Variants in LRRC4C observed in about 807,000 individuals in gnomAD.
LRRC4C encodes the protein leucine-rich repeat-containing protein 4C.
In LRRC4C, 5 loss-of-function variants were observed where a neutral mutation model predicts 33.6. The ratio of observed to expected loss-of-function variants is 0.15; its 90% CI spans 0.08 to 0.31. The LOEUF (loss-of-function observed/expected upper bound fraction) is 0.31, where lower values mean the gene tolerates loss of function less well. LRRC4C is among the 10% of genes least tolerant of loss of function. The probability of loss-of-function intolerance (pLI) is 1.00; values close to 1 mark genes in which losing one functional copy is unlikely to be tolerated. For missense variants in LRRC4C, 560 were observed against 796.7 expected, an observed-to-expected ratio of 0.70 and a Z score of 3.58; for synonymous variants, 329 against 302.0, an observed-to-expected ratio of 1.09 and a Z score of -0.93.
intron 2 of LRRC4C, among the ~76,000 whole-genome samples, chr11:40,878,413 T>A (rs931659831): frequency 6.6e-6 from 1 of 152,156 alleles, no homozygotes; most frequent in Non-Finnish European, 1.5e-5. Flanking sequence ...TCCCAAGCAC[T>A]AGCATCACCG....
At chr11:40,902,628 T>C (rs1478263237) in intron 2 of LRRC4C, among the ~76,000 whole-genome samples, 2 of 152,140 alleles carry the variant, frequency 1.3e-5, no homozygotes, top group Non-Finnish European at 2.9e-5. Flanking sequence ...GAAAAGTTTT[T>C]GAAGGGAATT....
intron 3 of LRRC4C, among the ~76,000 whole-genome samples, chr11:40,572,874 G>C (rs72886949): frequency 0.011 from 1,630 of 152,270 alleles, 24 homozygotes; most frequent in African/African-American, 0.026. Flanking sequence ...TGGTATTAAA[G>C]AAGTGAGATG....
At chr11:40,626,342 G>C (rs984872836) in intron 3 of LRRC4C, among the ~76,000 whole-genome samples, 2 of 151,606 alleles carry the variant, frequency 1.3e-5, no homozygotes, top group African/African-American at 4.8e-5. Flanking sequence ...CCTCTTTCCT[G>C]CTTTTTTTAA....
At chr11:41,109,101 G>A (rs1310268165) in intron 1 of LRRC4C, among the ~76,000 whole-genome samples, 1 of 151,940 alleles carries the variant, frequency 6.6e-6, no homozygotes, top group Non-Finnish European at 1.5e-5. Context: ...TGATCTAACT[G>A]ATATATTTCC....
intron 4 of LRRC4C, among the ~76,000 whole-genome samples, chr11:40,257,607 G>A (rs1484956398): frequency 6.6e-6 from 1 of 152,086 alleles, no homozygotes; most frequent in Non-Finnish European, 1.5e-5. Flanking sequence ...CCTGGTCATT[G>A]GTTTGGACAT....
intron 1 of LRRC4C, among the ~76,000 whole-genome samples, chr11:40,961,886 G>A (rs1333508096): frequency 6.6e-6 from 1 of 151,670 alleles, no homozygotes; most frequent in East Asian, 2.0e-4. Flanking sequence ...TTAGGGTAGG[G>A]GGTGTTAAAT....
At chr11:41,299,000 T>C (rs1212768051) in intron 1 of LRRC4C, among the ~76,000 whole-genome samples, 4 of 152,192 alleles carry the variant, frequency 2.6e-5, no homozygotes, top group Non-Finnish European at 5.9e-5. Flanking sequence ...AGTATTCCAT[T>C]ATGTATATAT....
At chr11:41,336,642 T>G (rs146755035) in intron 1 of LRRC4C, among the ~76,000 whole-genome samples, 1 of 152,174 alleles carries the variant, frequency 6.6e-6, no homozygotes, top group Admixed American at 6.5e-5. Context: ...AAGAGGCTTT[T>G]AATAGTGAAG....
At chr11:40,781,191 T>A (rs1375070986) in intron 2 of LRRC4C, among the ~76,000 whole-genome samples, 1 of 152,108 alleles carries the variant, frequency 6.6e-6, no homozygotes, top group Non-Finnish European at 1.5e-5. Context: ...TCTAAATGTA[T>A]CTAAACATAG....
In LRRC4C at chr11:41,306,530, C is replaced by T. The variant is rs554054440; in HGVS notation, c.-496+152901G>A. Among the ~76,000 whole-genome samples the T allele has an allele frequency of 2.0e-5, 3 of 152,350 alleles. No homozygotes were observed. In the South Asian group the frequency reaches 6.2e-4, roughly 32 times the overall value. On this transcript the variant is annotated intron_variant, in intron 1 of 6. Coordinates refer to ENST00000528697, the MANE Select transcript of LRRC4C (RefSeq NM_001258419.2). ...AGAAATACACACTGCGCATATACTA[C>T]ACACCATGTGCTATTCTAAGTGGAG...
chr11:40,839,865 C>T (rs190119780), intron 2 of LRRC4C, among the ~76,000 whole-genome samples: 2 of 152,138 alleles, frequency 1.3e-5, no homozygotes, highest in East Asian at 1.9e-4. Flanking sequence ...AAAATAATTT[C>T]AATCCAGAAT....
chr11:40,966,092 T>C (rs1383410978), intron 1 of LRRC4C, among the ~76,000 whole-genome samples: 3 of 151,524 alleles, frequency 2.0e-5, no homozygotes, highest in Admixed American at 6.6e-5. Context: ...CACATCCCTT[T>C]AAGGGCAGAT....
intron 1 of LRRC4C, among the ~76,000 whole-genome samples, chr11:41,321,231 A>G (rs1260915716): frequency 6.6e-6 from 1 of 152,220 alleles, no homozygotes; most frequent in Admixed American, 6.5e-5. Context: ...AACAGGGGGC[A>G]GAGATCATAT....
intron 2 of LRRC4C, among the ~76,000 whole-genome samples, chr11:40,721,244 T>G (rs1946998098): frequency 6.6e-6 from 1 of 152,128 alleles, no homozygotes; most frequent in South Asian, 2.1e-4. Context: ...TAGAACACTT[T>G]TGATGAAATT....
intron 3 of LRRC4C, among the ~76,000 whole-genome samples, chr11:40,339,669 A>G (rs755961067): frequency 2.1e-4 from 32 of 152,154 alleles, no homozygotes; most frequent in Admixed American, 1.1e-3. Flanking sequence ...GTGATTAGAC[A>G]TGGTTTGTGG....
chr11:40,438,330 TAAAC>T (rs909263341), intron 3 of LRRC4C, among the ~76,000 whole-genome samples: 5 of 152,210 alleles, frequency 3.3e-5, no homozygotes, highest in Admixed American at 2.0e-4. Flanking sequence ...AACAAAAACA[TAAAC>T]AAACTAAAAC....
rs571957062 is a variant in LRRC4C, at chr11:40,904,548, T to C, written c.-407+29087A>G. On this transcript the variant is annotated intron_variant, in intron 2 of 6. Coordinates refer to ENST00000528697, the MANE Select transcript of LRRC4C (RefSeq NM_001258419.2). Reference sequence around the variant, plus strand: ...GGGGAAATCTACCCACAAACAAATATGCAAAGTTAAAAATATTGGTCCCTG... The same window carrying C: ...GGGGAAATCTACCCACAAACAAATACGCAAAGTTAAAAATATTGGTCCCTG... 6.3e-4 allele frequency among the ~76,000 whole-genome samples: 96 copies of C among 152,312 alleles called. No individual in the cohort carries two copies. In the Middle Eastern group the frequency reaches 0.024, roughly 38 times the overall value.
At chr11:40,875,338 T>G (rs572347198) in intron 2 of LRRC4C, among the ~76,000 whole-genome samples, 8 of 152,226 alleles carry the variant, frequency 5.3e-5, no homozygotes, top group Middle Eastern at 3.2e-3. Flanking sequence ...TGAGTCAATA[T>G]TTTAAAATTC....
chr11:40,567,496 C>T (rs1311799514), intron 3 of LRRC4C, among the ~76,000 whole-genome samples: 1 of 152,120 alleles, frequency 6.6e-6, no homozygotes, highest in African/African-American at 2.4e-5. Context: ...TTGGATTTAG[C>T]AAAGTTAAGT....
Sources: allele counts gnomAD v4.1 joint callset (sites outside exome capture counted in the v4.1 genomes callset), GRCh38; gene constraint gnomAD v4.1.1; transcripts MANE v1.5; gene names NCBI Gene and HGNC (gene_info 2026-07-23, HGNC 2026-07-21).